Variants in MRTFB observed in about 807,000 individuals in gnomAD.
The protein encoded by MRTFB is myocardin-related transcription factor B.
Under a neutral mutation model 104.2 loss-of-function variants are expected in MRTFB, and 29 were observed. That is an observed-to-expected ratio of 0.28 (90% CI 0.21 to 0.38). The LOEUF is 0.38. Ranked by LOEUF, MRTFB falls within the 10% of genes least tolerant of loss-of-function variation. The probability of loss-of-function intolerance (pLI) is 1.00; values close to 1 mark genes in which losing one functional copy is unlikely to be tolerated. For missense variants in MRTFB, 1,270 were observed against 1,341.6 expected (o/e 0.95, Z 0.83); for synonymous variants, 535 against 519.5 (o/e 1.03, Z -0.41).
intron 8 of MRTFB, among the ~76,000 whole-genome samples, chr16:14,224,343 T>TA (rs2041900509): frequency 6.6e-6 from 1 of 152,206 alleles, no homozygotes; most frequent in African/African-American, 2.4e-5. Flanking sequence ...TGGTATGGCC[T>TA]ACTACACCTA....
intron 8 of MRTFB, among the ~76,000 whole-genome samples, chr16:14,225,047 G>T (rs1369186174): frequency 2.0e-5 from 3 of 152,128 alleles, no homozygotes; most frequent in African/African-American, 7.2e-5. Context: ...TTAGCCAGAT[G>T]TGGTGGCGCG....
the MRTFB span, among the ~76,000 whole-genome samples, chr16:14,017,336 G>A: frequency 1.3e-4 from 19 of 151,722 alleles, no homozygotes; most frequent in East Asian, 7.8e-4. Flanking sequence ...GATTACAGGC[G>A]TGAGCCACCG....
chr16:14,183,726 C>CA lies in MRTFB; in HGVS notation c.155-26511dup, dbSNP rs1189435216. Among the ~76,000 whole-genome samples the CA allele has an allele frequency of 5.3e-5, 8 of 152,108 alleles. No homozygotes were observed. In the South Asian group the frequency reaches 8.3e-4, roughly 16 times the overall value. On this transcript the variant is annotated intron_variant, in intron 3 of 16. Coordinates refer to ENST00000571589, the MANE Select transcript of MRTFB (RefSeq NM_001308142.2). ...ATGCTCTGTAAATTTGAAATTATTTCAAAAAATTTTTTTAATAAATGTTCT... is the reference window on the plus strand; with the variant it reads ...ATGCTCTGTAAATTTGAAATTATTTCAAAAAAATTTTTTTAATAAATGTTCT...
chr16:14,247,835 G>A (rs2043089360), intron 12 of MRTFB: 1 of 267,388 alleles, frequency 3.7e-6, no homozygotes, highest in East Asian at 8.5e-5. Context: ...GCAAGGCACA[G>A]CATCTAGTAC....
the MRTFB span, among the ~76,000 whole-genome samples, chr16:14,008,564 A>G: frequency 2.6e-5 from 4 of 152,316 alleles, no homozygotes; most frequent in East Asian, 1.9e-4. Context: ...CCTTATGTCA[A>G]TTTCATAGTA....
chr16:14,240,329 C>T lies in MRTFB; in HGVS notation c.924C>T (p.Tyr308=), dbSNP rs2042708672. 6.2e-7 allele frequency: 1 copy of T among 1,614,208 alleles called. No individual in the cohort carries two copies. The highest frequency in any genetic ancestry group is 8.5e-7 in the Non-Finnish European group (1 of 1,180,036). ...TAAAGAAGTTAAAGTACCACCAATA[C>T]ATTCCACCAGATCAGAAGGGTGAGA... ...PRVKKLKYHQ[Y]IPPDQKGEKN... Residue 308 remains tyrosine, a synonymous_variant, in exon 10 of 17, where the codon TAC becomes TAT. Transcript: ENST00000571589.
chr16:14,081,515 A>G (rs1596725745), intron 2 of MRTFB, among the ~76,000 whole-genome samples: 1 of 148,004 alleles, frequency 6.8e-6, no homozygotes, highest in Non-Finnish European at 1.5e-5. Flanking sequence ...CTCGTCTTGA[A>G]CTCCTGACCT....
chr16:14,125,501 T>G (rs2037063590), intron 2 of MRTFB, among the ~76,000 whole-genome samples: 1 of 152,254 alleles, frequency 6.6e-6, no homozygotes, highest in African/African-American at 2.4e-5. Context: ...AGAGGTGCTG[T>G]GCCTAGCAGT....
the MRTFB span, among the ~76,000 whole-genome samples, chr16:14,011,874 AAAT>A: frequency 2.2e-3 from 333 of 152,342 alleles, 3 homozygotes; most frequent in African/African-American, 7.6e-3. Flanking sequence ...TCCGTCTCAC[AAAT>A]AATAATAATA....
intron 2 of MRTFB, among the ~76,000 whole-genome samples, chr16:14,118,114 C>A (rs1032042762): frequency 1.9e-4 from 29 of 150,854 alleles, no homozygotes; most frequent in African/African-American, 6.9e-4. Context: ...GATGCCATTC[C>A]CTCATCTTTT....
At chr16:14,211,237 G>T (rs574212483) in intron 4 of MRTFB, among the ~76,000 whole-genome samples, 2 of 151,968 alleles carry the variant, frequency 1.3e-5, no homozygotes, top group African/African-American at 4.8e-5. Context: ...TAGGCAAAAG[G>T]TGCTTTGATA....
chr16:14,036,844 AG>A, the MRTFB span, among the ~76,000 whole-genome samples: 1 of 152,144 alleles, frequency 6.6e-6, no homozygotes, highest in Non-Finnish European at 1.5e-5. Context: ...CCCCAGGGCC[AG>A]CCCCCACTGA....
At chr16:14,191,542 G>A (rs975825994) in intron 3 of MRTFB, among the ~76,000 whole-genome samples, 1 of 152,080 alleles carries the variant, frequency 6.6e-6, no homozygotes, top group Admixed American at 6.5e-5. Context: ...ATATTTCTTG[G>A]AGAAAGAATT....
At chr16:14,083,373 C>T (rs1337378937) in intron 2 of MRTFB, among the ~76,000 whole-genome samples, 1 of 152,044 alleles carries the variant, frequency 6.6e-6, no homozygotes. Context: ...TATGAGAAGC[C>T]CAAGCCTGCT....
intron 2 of MRTFB, among the ~76,000 whole-genome samples, chr16:14,118,127 T>TC (rs1372244610): frequency 1.3e-3 from 192 of 150,026 alleles, no homozygotes; most frequent in African/African-American, 4.3e-3. Flanking sequence ...CATCTTTTTT[T>TC]TTTTTTTTCT....
At chr16:14,037,429 C>G in the MRTFB span, among the ~76,000 whole-genome samples, 1 of 152,188 alleles carries the variant, frequency 6.6e-6, no homozygotes, top group African/African-American at 2.4e-5. Context: ...CCAGATGGAG[C>G]TGTCCAGAGG....
At chr16:14,047,234 G>C in the MRTFB span, among the ~76,000 whole-genome samples, 1 of 152,188 alleles carries the variant, frequency 6.6e-6, no homozygotes, top group African/African-American at 2.4e-5. Flanking sequence ...TTTCTCTCCG[G>C]AGCAGAAAAT....
the MRTFB span, among the ~76,000 whole-genome samples, chr16:14,051,998 C>CTGG: frequency 6.6e-6 from 1 of 152,184 alleles, no homozygotes; most frequent in African/African-American, 2.4e-5. Flanking sequence ...GTCTCTTCCT[C>CTGG]TCACATCAAG....
At chr16:14,220,019 G>A (rs2041613278) in intron 8 of MRTFB, among the ~76,000 whole-genome samples, 1 of 152,180 alleles carries the variant, frequency 6.6e-6, no homozygotes, top group Non-Finnish European at 1.5e-5. Flanking sequence ...CCTTCCATGT[G>A]AATGTAGAGC....
Sources: allele counts gnomAD v4.1 joint callset (sites outside exome capture counted in the v4.1 genomes callset), GRCh38; gene constraint gnomAD v4.1.1; transcripts MANE v1.5; gene names NCBI Gene and HGNC (gene_info 2026-07-23, HGNC 2026-07-21).